The following SLC16A9 variants were observed in gnomAD, a reference collection of about 807,000 sequenced individuals.
The protein encoded by SLC16A9 is solute carrier family 16 member 9.
In SLC16A9, 26 loss-of-function variants were observed where a neutral mutation model predicts 44.3. That is an observed-to-expected ratio of 0.59 (90% CI 0.43 to 0.81). The LOEUF is 0.81. Among genes scored for constraint, SLC16A9 ranks in the 40% least tolerant of loss-of-function variants. The pLI, the probability that SLC16A9 is intolerant of heterozygous loss-of-function variation, is 0.00. For synonymous variants in SLC16A9, 230 were observed against 225.1 expected (o/e 1.02, Z -0.19); for missense variants, 559 against 595.8 (o/e 0.94, Z 0.64).
At chr10:59,664,410 C>T in intron 3 of SLC16A9, 88 bp from the exon 4 acceptor site, 2 of 787,054 alleles carry the variant, frequency 2.5e-6, no homozygotes, top group Non-Finnish European at 4.1e-6. Context: ...TCCGATAAGA[C>T]ATTCCATTAC....
Position 59,662,646 on chromosome 10 carries a change from A to AAAAAAAGG in SLC16A9, c.436+1580_436+1581insCCTTTTTT, listed in dbSNP as rs1452422732. Among the ~76,000 whole-genome samples the AAAAAAAGG allele has an allele frequency of 1.7e-3, 255 of 147,940 alleles. 2 individuals are homozygous for AAAAAAAGG. The highest frequency in any genetic ancestry group is 6.1e-3 in the African/African-American group (243 of 39,644). On this transcript the variant is annotated intron_variant, in intron 4 of 5. Coordinates refer to ENST00000395348, the MANE Select transcript of SLC16A9 (RefSeq NM_194298.3). ...AAAACTCCATCTCAAAAAAAAAAAA[A>AAAAAAAGG]AAAAAAAGAAAAGAAAAAAAGAAGA...
rs749848008 is a variant in SLC16A9 at position 59,653,928 on chromosome 10, G to C, written c.1098C>G (p.Phe366Leu). ...AAAGATACAAGGTATTAATCCACTT[G>C]AAGTCAGCCAGTATCCCTAAAAGCA... ...GKLLLGILAD[F>L]KWINTLYLYV... is the part of the protein sequence containing the mutation. Residue 366 changes from phenylalanine to leucine, a missense_variant, in exon 5 of 6, where the codon TTC becomes TTG. Coordinates refer to ENST00000395348, the MANE Select transcript of SLC16A9 (RefSeq NM_194298.3). 6.2e-7 allele frequency: 1 copy of C among 1,614,068 alleles called. No individual in the cohort carries two copies.
intron 2 of SLC16A9, among the ~76,000 whole-genome samples, chr10:59,680,841 G>C (rs1258580298): frequency 1.3e-5 from 2 of 151,874 alleles, no homozygotes; most frequent in Non-Finnish European, 2.9e-5. Flanking sequence ...AAAATAGTTG[G>C]GCATGGTGGC....
chr10:59,684,926 C>A (rs1468919173), intron 1 of SLC16A9, among the ~76,000 whole-genome samples: 1 of 152,158 alleles, frequency 6.6e-6, no homozygotes, highest in Non-Finnish European at 1.5e-5. Context: ...GGTGAGGCGG[C>A]TCCCTTCAAA....
chr10:59,680,464 G>T (rs1015474083), intron 2 of SLC16A9, among the ~76,000 whole-genome samples: 12 of 152,108 alleles, frequency 7.9e-5, no homozygotes, highest in African/African-American at 2.9e-4. Context: ...CATCCTGAAT[G>T]GTCCCTTTCT....
chr10:59,688,790 A>G (rs1840190308), intron 1 of SLC16A9, among the ~76,000 whole-genome samples: 1 of 151,520 alleles, frequency 6.6e-6, no homozygotes, highest in Admixed American at 6.6e-5. Flanking sequence ...CAAATGCTCC[A>G]ATCACAGCAC....
chr10:59,703,726 G>T (rs1171623), intron 1 of SLC16A9, among the ~76,000 whole-genome samples: 38,209 of 146,640 alleles, frequency 0.26, 6,037 homozygotes, highest in East Asian at 0.73. Flanking sequence ...TTTTTTTTTC[G>T]TTTTTTTTTT....
chr10:59,653,427 A>AAAAAAAAAAAAAAG (rs1839260886), intron 5 of SLC16A9, among the ~76,000 whole-genome samples: 1 of 125,702 alleles, frequency 8.0e-6, no homozygotes, highest in African/African-American at 5.0e-5. Flanking sequence ...CTCCGTCTCA[A>AAAAAAAAAAAAAAG]AAAAAAAAAA....
chr10:59,661,171 C>T (rs1233869792), intron 4 of SLC16A9, among the ~76,000 whole-genome samples: 1 of 152,004 alleles, frequency 6.6e-6, no homozygotes, highest in Non-Finnish European at 1.5e-5. Context: ...AGGCAAGAGA[C>T]AGAAATAAAG....
chr10:59,681,783 G>GTATATGTATATGTAT (rs1337162927), intron 2 of SLC16A9, among the ~76,000 whole-genome samples: 1 of 5,100 alleles, frequency 2.0e-4, no homozygotes, highest in African/African-American at 2.5e-4. Flanking sequence ...ATATGTATAT[G>GTATATGTATATGTAT]ATGTATATGT....
intron 3 of SLC16A9, 128 bp downstream of exon 3, chr10:59,672,642 G>C (rs1293635649): frequency 1.6e-5 from 15 of 959,014 alleles, no homozygotes; most frequent in Non-Finnish European, 2.3e-5. Context: ...TTGGAGAAGT[G>C]GTTATTGAAA....
At chr10:59,657,921 GA>G (rs1402611773) in intron 4 of SLC16A9, among the ~76,000 whole-genome samples, 1 of 152,166 alleles carries the variant, frequency 6.6e-6, no homozygotes, top group Non-Finnish European at 1.5e-5. Context: ...AGGTCAGGGG[GA>G]TGGGGGCTGG....
At position 59,684,897 on chromosome 10, in the gene SLC16A9, G is replaced by A. The variant is rs546780119; in HGVS notation, c.-36-570C>T. Among the ~76,000 whole-genome samples, 20 of 152,296 alleles carry A rather than the reference G, an allele frequency of 1.3e-4. 1 individual carries two copies. Among genetic ancestry groups the A allele is most frequent in the African/African-American group, 4.6e-4 (19 of 41,582 alleles). ...ATCATGCACTGGATGTGGCTACCCA[G>A]GAATGGGTGGTGATCTGAGGTGAGG... On this transcript the variant is annotated intron_variant, in intron 1 of 5. Coordinates refer to ENST00000395348, the MANE Select transcript of SLC16A9 (RefSeq NM_194298.3).
intron 3 of SLC16A9, among the ~76,000 whole-genome samples, chr10:59,665,130 C>T (rs894721803): frequency 6.6e-6 from 1 of 152,138 alleles, no homozygotes; most frequent in Non-Finnish European, 1.5e-5. Flanking sequence ...CCAAGGCTCT[C>T]GTTTGTTAGC....
chr10:59,696,816 C>T, intron 1 of SLC16A9, among the ~76,000 whole-genome samples: 1 of 150,290 alleles, frequency 6.7e-6, no homozygotes, highest in South Asian at 2.1e-4. Context: ...AGTGAGAAGC[C>T]CCTCCGCCCG....
intron 4 of SLC16A9, among the ~76,000 whole-genome samples, chr10:59,658,041 A>G (rs1839388324): frequency 6.6e-6 from 1 of 152,338 alleles, no homozygotes; most frequent in African/African-American, 2.4e-5. Context: ...AAGTCTGATA[A>G]GAAATATTCC....
intron 2 of SLC16A9, among the ~76,000 whole-genome samples, chr10:59,680,713 G>C (rs532091248): frequency 6.6e-6 from 1 of 152,122 alleles, no homozygotes; most frequent in Non-Finnish European, 1.5e-5. Context: ...AGGCACAGTA[G>C]CTTATGCCTG....
At position 59,707,831 on chromosome 10, in the gene SLC16A9, C is replaced by T. The variant is rs60567232; in HGVS notation, c.-37+1648G>A. On this transcript the variant is annotated intron_variant, in intron 1 of 5. Coordinates refer to ENST00000395348, the MANE Select transcript of SLC16A9 (RefSeq NM_194298.3). The stretch of plus-strand genomic sequence containing the variant: ...AGCTTGAGTTGCATGGCCAGATCCA[C>T]CCCAGACCACCATAATGTGTCCTGA... Among the ~76,000 whole-genome samples the T allele has an allele frequency of 5.6e-3, 859 of 152,258 alleles. 8 individuals carry two copies. The highest frequency in any genetic ancestry group is 0.02 in the African/African-American group (819 of 41,540).
rs957336224 is a variant in SLC16A9, at chr10:59,652,091, T to C, written c.*681A>G. 1 of 152,216 alleles carries C rather than the reference T, an allele frequency of 6.6e-6. No homozygotes were observed. The highest frequency in any genetic ancestry group is 2.4e-5 in the African/African-American group (1 of 41,450). The allele number at this position is 152,216 out of a possible 1,614,324, so 9.4% of individuals were successfully genotyped here. ...CAGTGACTACTTCTCCATTTGGAGTTCACCCACATCTCAGCAAATACCTTA... is the reference window on the plus strand; with the variant it reads ...CAGTGACTACTTCTCCATTTGGAGTCCACCCACATCTCAGCAAATACCTTA... On this transcript the variant is annotated 3_prime_UTR_variant, in exon 6 of 6. Transcript: ENST00000395348.
Sources: gnomAD v4.1 joint callset for allele counts (sites outside exome capture counted in the v4.1 genomes callset) on GRCh38, gnomAD v4.1.1 for gene constraint, MANE v1.5 for transcripts, NCBI Gene and HGNC (gene_info 2026-07-23, HGNC 2026-07-21) for gene names.